Variants in MGAT4A observed in about 807,000 individuals in gnomAD.
MGAT4A encodes the protein N-acetylglucosaminyltransferase IVa.
In MGAT4A, 33 loss-of-function variants were observed where a neutral mutation model predicts 74.1. That is an observed-to-expected ratio of 0.45 (90% confidence interval 0.34 to 0.60). The LOEUF (loss-of-function observed/expected upper bound fraction) is 0.60. Among genes scored for constraint, MGAT4A ranks in the 20% least tolerant of loss-of-function variants. The probability of loss-of-function intolerance (pLI) is 0.02; values close to 1 mark genes in which losing one functional copy is unlikely to be tolerated. For synonymous variants in MGAT4A, 198 were observed against 210.4 expected, an observed-to-expected ratio of 0.94 and a Z score of 0.51; for missense variants, 479 against 628.3, an observed-to-expected ratio of 0.76 and a Z score of 2.54.
chr2:98,661,427 C>A (rs575376918), intron 5 of MGAT4A, among the ~76,000 whole-genome samples: 3 of 152,092 alleles, frequency 2.0e-5, no homozygotes, highest in East Asian at 3.9e-4. Flanking sequence ...AGAAGCAGTT[C>A]ATAAGCAAAC....
At chr2:98,670,396 C>T (rs1364977743) in intron 4 of MGAT4A, among the ~76,000 whole-genome samples, 1 of 152,024 alleles carries the variant, frequency 6.6e-6, no homozygotes, top group Admixed American at 6.6e-5. Flanking sequence ...TAGGTAAGGC[C>T]CCTACCTCAT....
chr2:98,662,943 A>AT, intron 5 of MGAT4A, 103 bp downstream of exon 5: 1 of 947,220 alleles, frequency 1.1e-6, no homozygotes, highest in Non-Finnish European at 1.5e-6. Flanking sequence ...TACTCATCAC[A>AT]TTTTTTAAAA....
intron 12 of MGAT4A, among the ~76,000 whole-genome samples, chr2:98,638,193 C>T (rs1183865376): frequency 6.6e-6 from 1 of 152,150 alleles, no homozygotes; most frequent in Non-Finnish European, 1.5e-5. Context: ...CCTCTATTAA[C>T]AGTTTAATAG....
intron 14 of MGAT4A, among the ~76,000 whole-genome samples, 199 bp downstream of exon 14, chr2:98,635,023 G>A (rs545704812): frequency 1.1e-4 from 17 of 152,190 alleles, no homozygotes; most frequent in African/African-American, 3.6e-4. Context: ...CGGAAGGAGC[G>A]AGAAAGACAG....
At chr2:98,708,045 T>C (rs1415321371) in intron 2 of MGAT4A, among the ~76,000 whole-genome samples, 1 of 152,348 alleles carries the variant, frequency 6.6e-6, no homozygotes, top group South Asian at 2.1e-4. Context: ...CAAGTTTACT[T>C]TAATCAACTG....
intron 2 of MGAT4A, among the ~76,000 whole-genome samples, chr2:98,716,165 T>C (rs1702589141): frequency 2.0e-5 from 3 of 150,290 alleles, no homozygotes; most frequent in South Asian, 2.1e-4. Context: ...CAAAAAATTT[T>C]TGCAATTAGC....
At chr2:98,703,637 A>C (rs1559173019) in intron 2 of MGAT4A, among the ~76,000 whole-genome samples, 1 of 152,070 alleles carries the variant, frequency 6.6e-6, no homozygotes, top group Non-Finnish European at 1.5e-5. Context: ...AAATCCAAAG[A>C]TGTCCCTGTG....
At chr2:98,630,989 G>C (rs992014692) in intron 14 of MGAT4A, among the ~76,000 whole-genome samples, 1 of 152,160 alleles carries the variant, frequency 6.6e-6, no homozygotes, top group Non-Finnish European at 1.5e-5. Context: ...CACACTCCTG[G>C]CATTGACAGG....
chr2:98,698,678 C>G (rs1282816801), intron 2 of MGAT4A, among the ~76,000 whole-genome samples: 1 of 152,102 alleles, frequency 6.6e-6, no homozygotes, highest in African/African-American at 2.4e-5. Flanking sequence ...TCACGTTGCC[C>G]AGGATCTTTC....
chr2:98,623,620 A>T lies in MGAT4A; in HGVS notation c.*1946T>A. On this transcript the variant is annotated 3_prime_UTR_variant, in exon 16 of 16. Coordinates refer to ENST00000393487, the MANE Select transcript of MGAT4A (RefSeq NM_012214.3). ...GTGAAAAGTAAATTTAAAACATCCT[A>T]ATAAAAAAATTTCAACTGGCCTTTA... 2 of 985,190 alleles carry T rather than the reference A, an allele frequency of 2.0e-6. No homozygotes were observed. The highest frequency in any genetic ancestry group is 2.4e-6 in the Non-Finnish European group (2 of 829,770). The allele number at this position is 985,190 out of a possible 1,614,324, so 61.0% of individuals were successfully genotyped here. A position where few individuals can be genotyped will look rare whatever the true frequency, so the allele number is the denominator to read the frequency against.
intron 2 of MGAT4A, among the ~76,000 whole-genome samples, chr2:98,722,659 C>T (rs4851150): frequency 0.32 from 48,815 of 152,050 alleles, 10,006 homozygotes; most frequent in African/African-American, 0.57. Context: ...CAAAAACCGA[C>T]TGATTGTACA....
At chr2:98,709,340 C>T (rs975615813) in intron 2 of MGAT4A, among the ~76,000 whole-genome samples, 8 of 152,102 alleles carry the variant, frequency 5.3e-5, no homozygotes, top group African/African-American at 1.9e-4. Context: ...TATTATTTCT[C>T]TGCACAACTG....
At chr2:98,639,601 A>AC (rs1010635162) in intron 12 of MGAT4A, among the ~76,000 whole-genome samples, 2 of 152,200 alleles carry the variant, frequency 1.3e-5, no homozygotes, top group African/African-American at 4.8e-5. Flanking sequence ...AATGAAGTTC[A>AC]CCAAACGTGT....
At chr2:98,695,870 C>G (rs1050846122) in intron 2 of MGAT4A, among the ~76,000 whole-genome samples, 2 of 148,752 alleles carry the variant, frequency 1.3e-5, no homozygotes, top group African/African-American at 4.9e-5. Context: ...GAGTGTTCCA[C>G]AGAACTTCTT....
chr2:98,629,679 T>C (rs1701199060), intron 14 of MGAT4A, among the ~76,000 whole-genome samples: 1 of 152,220 alleles, frequency 6.6e-6, no homozygotes, highest in Non-Finnish European at 1.5e-5. Context: ...ACTAGGAGCC[T>C]GGCCAAATAA....
rs574292933 is a variant in MGAT4A at position 98,622,392 on chromosome 2, AT to A, written c.*3173del. Reference sequence around the variant, plus strand: ...TGTGATGGCAGAACCGGGTAAAAAAATGTTTTTATTTAAACAGCCCCCATGT... The same window carrying A: ...TGTGATGGCAGAACCGGGTAAAAAAAGTTTTTATTTAAACAGCCCCCATGT... On this transcript the variant is annotated 3_prime_UTR_variant, in exon 16 of 16. Coordinates refer to ENST00000393487, the MANE Select transcript of MGAT4A (RefSeq NM_012214.3). 256 of 985,458 alleles carry A rather than the reference AT, an allele frequency of 2.6e-4. No homozygotes were observed. In the African/African-American group the frequency reaches 4.1e-3, roughly 16 times the overall value. The allele number at this position is 985,458 out of a possible 1,614,324, so 61.0% of individuals were successfully genotyped here.
chr2:98,701,749 C>A (rs181121111), intron 2 of MGAT4A, among the ~76,000 whole-genome samples: 1 of 152,302 alleles, frequency 6.6e-6, no homozygotes, highest in Non-Finnish European at 1.5e-5. Context: ...ACATTCTAGA[C>A]CCTAGTTAGG....
intron 14 of MGAT4A, among the ~76,000 whole-genome samples, chr2:98,627,687 A>C (rs758730397): frequency 3.3e-5 from 5 of 152,192 alleles, no homozygotes; most frequent in Non-Finnish European, 7.3e-5. Flanking sequence ...AGCAAAAACG[A>C]ATTTTCAAAG....
At chr2:98,634,848 C>T (rs573490922) in intron 14 of MGAT4A, among the ~76,000 whole-genome samples, 2 of 151,572 alleles carry the variant, frequency 1.3e-5, no homozygotes, top group Admixed American at 1.3e-4. Flanking sequence ...TGTCAGTGGA[C>T]ATCTCAACAC....
Sources: gnomAD v4.1 joint callset for allele counts (sites outside exome capture counted in the v4.1 genomes callset) on GRCh38, gnomAD v4.1.1 for gene constraint, MANE v1.5 for transcripts, NCBI Gene and HGNC (gene_info 2026-07-23, HGNC 2026-07-21) for gene names.